CLSPN: variants seen among roughly 807,000 people sequenced by gnomAD.
CLSPN encodes the protein claspin homolog.
A neutral mutation model predicts 156.3 loss-of-function variants in CLSPN; 85 were observed. The observed-to-expected ratio is 0.54, with a 90% CI of 0.46 to 0.65. The LOEUF is 0.65. Ranked by LOEUF, CLSPN falls within the 30% of genes least tolerant of loss-of-function variation. The pLI, the probability that CLSPN is intolerant of heterozygous loss-of-function variation, is 0.00. For synonymous variants in CLSPN, 534 were observed against 542.4 expected (o/e 0.98, Z 0.22); for missense variants, 1,407 against 1,554.9 (o/e 0.90, Z 1.60).
intron 18 of CLSPN, among the ~76,000 whole-genome samples, chr1:35,739,824 C>A (rs1571195826): frequency 6.6e-6 from 1 of 152,200 alleles, no homozygotes; most frequent in East Asian, 1.9e-4. Context: ...AGGATATAGT[C>A]CCATTGTAAG....
chr1:35,728,909 AC>A (rs1557493522), downstream of CLSPN, among the ~76,000 whole-genome samples: 1 of 135,006 alleles, frequency 7.4e-6, no homozygotes, highest in African/African-American at 2.8e-5. Flanking sequence ...ACTCAACCTC[AC>A]CCTCCCCTCA....
At chr1:35,768,965 C>T (rs1642769137) in intron 1 of CLSPN, among the ~76,000 whole-genome samples, 2 of 152,040 alleles carry the variant, frequency 1.3e-5, no homozygotes, top group Non-Finnish European at 2.9e-5. Flanking sequence ...ATCTACAGCT[C>T]ATGAGGTAAA....
At chr1:35,745,413 G>T in intron 16 of CLSPN, 38 bp downstream of exon 16, 1 of 1,381,504 alleles carries the variant, frequency 7.2e-7, no homozygotes, top group Non-Finnish European at 1.0e-6. Context: ...TTATCAAAAG[G>T]CCAGGCCTTC....
intron 2 of CLSPN, 90 bp downstream of exon 2, chr1:35,765,121 TAATGTAA>T: frequency 1.4e-6 from 1 of 737,916 alleles, no homozygotes; most frequent in East Asian, 2.5e-5. Context: ...GGGGCATTAA[TAATGTAA>T]TAAATCAAGA....
chr1:35,749,344 C>T (rs1452113322), intron 12 of CLSPN, 123 bp downstream of exon 12: 2 of 870,942 alleles, frequency 2.3e-6, no homozygotes, highest in African/African-American at 3.4e-5. Context: ...CTTTTCATAG[C>T]TACATATGAA....
intron 24 of CLSPN, among the ~76,000 whole-genome samples, chr1:35,723,329 A>C (rs1192153536): frequency 6.6e-6 from 1 of 152,208 alleles, no homozygotes; most frequent in Non-Finnish European, 1.5e-5. Flanking sequence ...AATGATGGAC[A>C]GCGGGTAAGC....
intron 12 of CLSPN, 63 bp downstream of exon 12, chr1:35,749,404 C>T (rs1571206774): frequency 6.7e-7 from 1 of 1,495,454 alleles, no homozygotes; most frequent in Non-Finnish European, 9.3e-7. Flanking sequence ...GTACTGCAGT[C>T]CTTAAATATC....
intron 14 of CLSPN, 61 bp from the exon 15 acceptor site, chr1:35,747,053 TA>T: frequency 7.7e-7 from 1 of 1,302,396 alleles, no homozygotes; most frequent in East Asian, 2.3e-5. Flanking sequence ...CCGGGTGCGG[TA>T]GCTCACGCCT....
Position 35,769,928 on chromosome 1 carries a change from G to GCTGCTCTCCGGCT in CLSPN, c.-59_-58insAGCCGGAGAGCAG. On this transcript the variant is annotated 5_prime_UTR_variant, in exon 1 of 25. Coordinates refer to ENST00000318121, the MANE Select transcript of CLSPN (RefSeq NM_022111.4). ...GGAGCTGTCTCTGATTCCCTCAGCC[G>GCTGCTCTCCGGCT]GAGAGCAGCGGCTCCCGCCGTCTCC... 1 of 1,589,764 alleles carries GCTGCTCTCCGGCT rather than the reference G, an allele frequency of 6.3e-7. No homozygotes were observed. The highest frequency in any genetic ancestry group is 8.6e-7 in the Non-Finnish European group (1 of 1,165,974).
rs1194942344 is a variant in CLSPN at position 35,736,216 on chromosome 1, C to CT, written c.*279dup. 8 of 831,134 alleles carry CT rather than the reference C, an allele frequency of 9.6e-6. No individual in the cohort carries two copies. The highest frequency in any genetic ancestry group is 2.9e-6 in the Non-Finnish European group (2 of 685,978). The allele number at this position is 831,134 out of a possible 1,614,324, so 51.5% of individuals were successfully genotyped here. A position where few individuals can be genotyped will look rare whatever the true frequency, so the allele number is the denominator to read the frequency against. On this transcript the variant is annotated 3_prime_UTR_variant, in exon 25 of 25. Transcript: ENST00000318121. ...CTGGGCAACAGAGTGAGACTCCCAT[C>CT]TTAAAAAAAAAAAAAAAAAGGAAAC...
chr1:35,745,378 C>A (rs1342067411), intron 16 of CLSPN, 73 bp downstream of exon 16: 9 of 1,039,816 alleles, frequency 8.7e-6, no homozygotes, highest in Non-Finnish European at 1.0e-5. Flanking sequence ...GTGCAAAGCC[C>A]TTAAGATGAT....
Position 35,736,546 on chromosome 1 carries a change from C to T in CLSPN, c.3970G>A (p.Asp1324Asn). ...SPSPKHLKTDDSTSGLTRSIF... is the reference protein window; with the variant it reads ...SPSPKHLKTDNSTSGLTRSIF... ...CTTCGCGTCAATCCTGAAGTGCTAT[C>T]ATCTGTTTTGAGGTGCTTAGGTGAA... Residue 1324 changes from aspartate (D) to asparagine (N), a missense_variant, in exon 25 of 25, where the codon GAT (aspartate) becomes AAT (asparagine). Coordinates refer to ENST00000318121, the MANE Select transcript of CLSPN (RefSeq NM_022111.4). 6.2e-7 allele frequency: 1 copy of T among 1,612,136 alleles called. No individual in the cohort carries two copies.
chr1:35,766,035 C>T (rs973092241), intron 1 of CLSPN, among the ~76,000 whole-genome samples: 1 of 133,710 alleles, frequency 7.5e-6, no homozygotes, highest in African/African-American at 2.8e-5. Context: ...CGCTCTGTCA[C>T]CCAGGCTGGA....
rs764708283 is a variant in CLSPN at position 35,736,329 on chromosome 1, G to C, written c.*167C>G. ...AATTCAGGGAATAATACTAGGAAAA[G>C]AGATGTCCAGAGCTGTGCAGTAGAA... On this transcript the variant is annotated 3_prime_UTR_variant, in exon 25 of 25. Coordinates refer to ENST00000318121, the MANE Select transcript of CLSPN (RefSeq NM_022111.4). The C allele has an allele frequency of 2.5e-5, 31 of 1,246,726 alleles. No homozygotes were observed. The highest frequency in any genetic ancestry group is 2.6e-5 in the Non-Finnish European group (26 of 994,444). 77.2% of individuals were successfully genotyped at this position (1,246,726 alleles called of 1,614,324 possible). A position where few individuals can be genotyped will look rare whatever the true frequency, so the allele number is the denominator to read the frequency against.
In CLSPN at chr1:35,747,010, C is replaced by T; in HGVS notation, c.2628-18G>A. The T allele has an allele frequency of 1.3e-6, 2 of 1,595,370 alleles. No individual in the cohort carries two copies. The highest frequency in any genetic ancestry group is 1.7e-6 in the Non-Finnish European group (2 of 1,163,550). ...TTAAGAACCTAAGAACCAATGAGCACAACGAATAGTGTAAAAAATTCCTCA... is the reference window on the plus strand; with the variant it reads ...TTAAGAACCTAAGAACCAATGAGCATAACGAATAGTGTAAAAAATTCCTCA... On this transcript the variant is annotated intron_variant, in intron 14 of 24. Coordinates refer to ENST00000318121, the MANE Select transcript of CLSPN (RefSeq NM_022111.4).
intron 1 of CLSPN, among the ~76,000 whole-genome samples, chr1:35,768,636 G>T (rs983428130): frequency 6.6e-6 from 1 of 151,116 alleles, no homozygotes; most frequent in Admixed American, 6.6e-5. Flanking sequence ...GGCTGGTTTC[G>T]AACTCTTGAG....
chr1:35,745,310 A>G (rs908815168), intron 16 of CLSPN, 141 bp downstream of exon 16: 1 of 614,550 alleles, frequency 1.6e-6, no homozygotes, highest in African/African-American at 1.8e-5. Flanking sequence ...CCAAAGCATT[A>G]TAATTTGCTT....
rs1427973738 is a variant in CLSPN, at chr1:35,746,491, C to G, written c.2854+275G>C. On this transcript the variant is annotated intron_variant, in intron 15 of 24. Coordinates refer to ENST00000318121, the MANE Select transcript of CLSPN (RefSeq NM_022111.4). This position sits in a 1 kb window ranked among gnomAD's most constrained non-coding sequence, Gnocchi z 4.2. ...CTCACTGCAACCTTCATCTCCCAGGCTCAAGAGATCCTCCCACCTCAGCCT... is the reference window on the plus strand; with the variant it reads ...CTCACTGCAACCTTCATCTCCCAGGGTCAAGAGATCCTCCCACCTCAGCCT... 6.6e-6 allele frequency among the ~76,000 whole-genome samples: 1 copy of G among 151,340 alleles called. No homozygotes were observed. Among genetic ancestry groups the G allele is most frequent in the African/African-American group, 2.4e-5 (1 of 41,136 alleles).
chr1:35,765,820 A>G (rs1045951906), intron 1 of CLSPN, among the ~76,000 whole-genome samples: 2 of 152,288 alleles, frequency 1.3e-5, no homozygotes, highest in Middle Eastern at 3.4e-3. Flanking sequence ...TACTAGCCAT[A>G]AAGTATTCCT....
Sources: gnomAD v4.1 joint callset for allele counts (sites outside exome capture counted in the v4.1 genomes callset) on GRCh38, gnomAD v4.1.1 for gene constraint, Gnocchi (gnomAD v3.1) non-coding constraint, MANE v1.5 for transcripts, NCBI Gene and HGNC (gene_info 2026-07-23, HGNC 2026-07-21) for gene names.